SLC25A21: variants seen among roughly 807,000 people sequenced by gnomAD.
SLC25A21 encodes the protein mitochondrial 2-oxodicarboxylate carrier.
SLC25A21 carries 47 observed loss-of-function variants against 43.8 expected under a neutral mutation model. That is an observed-to-expected ratio of 1.07 (90% CI 0.85 to 1.37). The LOEUF (loss-of-function observed/expected upper bound fraction) is 1.37. Among genes scored for constraint, SLC25A21 ranks in the 40% most tolerant of loss-of-function variants. The probability of loss-of-function intolerance (pLI) is 0.00; values close to 1 mark genes in which losing one functional copy is unlikely to be tolerated. For missense variants in SLC25A21, 352 were observed against 350.2 expected, an observed-to-expected ratio of 1.00 and a Z score of -0.04; for synonymous variants, 131 against 121.3, an observed-to-expected ratio of 1.08 and a Z score of -0.52.
intron 1 of SLC25A21, among the ~76,000 whole-genome samples, chr14:36,993,612 T>C (rs919407052): frequency 2.0e-5 from 3 of 152,124 alleles, no homozygotes; most frequent in Non-Finnish European, 2.9e-5. Flanking sequence ...CCCATTTTGA[T>C]TGAGGTTGTA....
chr14:36,935,644 C>A (rs377119955), intron 1 of SLC25A21, among the ~76,000 whole-genome samples: 1 of 151,846 alleles, frequency 6.6e-6, no homozygotes, highest in East Asian at 1.9e-4. Flanking sequence ...CTTGAATATA[C>A]CAGGCTACAG....
At chr14:36,964,574 C>G (rs969341422) in intron 1 of SLC25A21, among the ~76,000 whole-genome samples, 1 of 152,196 alleles carries the variant, frequency 6.6e-6, no homozygotes, top group Non-Finnish European at 1.5e-5. Flanking sequence ...GAATAACACA[C>G]TAATGTGCGT....
chr14:36,975,391 TA>T (rs1391261564), intron 1 of SLC25A21, among the ~76,000 whole-genome samples: 1 of 152,154 alleles, frequency 6.6e-6, no homozygotes, highest in African/African-American at 2.4e-5. Context: ...ATAATAATTG[TA>T]AAAAGTCATT....
chr14:36,842,929 G>T (rs1422637931), intron 2 of SLC25A21, among the ~76,000 whole-genome samples: 1 of 152,078 alleles, frequency 6.6e-6, no homozygotes, highest in African/African-American at 2.4e-5. Context: ...GGTGGGAAGG[G>T]GCAGGAGGGT....
At chr14:37,049,310 G>A (rs527716586) in intron 1 of SLC25A21, among the ~76,000 whole-genome samples, 5 of 152,258 alleles carry the variant, frequency 3.3e-5, no homozygotes, top group Admixed American at 1.3e-4. Flanking sequence ...GACTGGGCAC[G>A]GTGGCTCACA....
chr14:37,018,926 CT>C (rs1254084442), intron 1 of SLC25A21, among the ~76,000 whole-genome samples: 2 of 152,052 alleles, frequency 1.3e-5, no homozygotes, highest in African/African-American at 4.8e-5. Flanking sequence ...AAAGATGGAA[CT>C]ATTAGAAAAT....
intron 2 of SLC25A21, among the ~76,000 whole-genome samples, chr14:36,829,376 G>T (rs1888952098): frequency 6.6e-6 from 1 of 152,136 alleles, no homozygotes; most frequent in Non-Finnish European, 1.5e-5. Flanking sequence ...TTCCCGCAAG[G>T]CTTCCTCAGG....
In SLC25A21 at chr14:36,810,192, G is replaced by T. The variant is rs565728344; in HGVS notation, c.203+3726C>A. ...GGCATCACAGGAAGAATGTCAATTT[G>T]CTCTAGAAGCAATTATACATACAGT... On this transcript the variant is annotated intron_variant, in intron 3 of 9. Transcript: ENST00000331299. 2.0e-5 allele frequency among the ~76,000 whole-genome samples: 3 copies of T among 152,208 alleles called. No homozygotes were observed. The East Asian group carries it at 5.8e-4, about 29-fold the overall frequency.
chr14:36,928,180 A>G (rs960887293), intron 1 of SLC25A21, among the ~76,000 whole-genome samples: 2 of 152,164 alleles, frequency 1.3e-5, no homozygotes, highest in Admixed American at 6.6e-5. Context: ...TCAAGTTGAT[A>G]TCATTATCTT....
At chr14:36,717,472 A>G (rs1015274610) in intron 6 of SLC25A21, among the ~76,000 whole-genome samples, 1 of 152,346 alleles carries the variant, frequency 6.6e-6, no homozygotes, top group African/African-American at 2.4e-5. Flanking sequence ...CCAGATACCG[A>G]ACCACAAAGC....
At chr14:36,708,891 T>C (rs1007165222) in intron 7 of SLC25A21, among the ~76,000 whole-genome samples, 2 of 151,970 alleles carry the variant, frequency 1.3e-5, no homozygotes, top group Middle Eastern at 3.4e-3. Context: ...CTCAGGTTTT[T>C]TTTTTAAACA....
chr14:36,961,192 C>G (rs148153804), intron 1 of SLC25A21, among the ~76,000 whole-genome samples: 40 of 151,274 alleles, frequency 2.6e-4, no homozygotes, highest in Admixed American at 5.3e-4. Context: ...CTTTAGCAAG[C>G]CTTCCGCACG....
chr14:36,986,204 G>A (rs74558769), intron 1 of SLC25A21, among the ~76,000 whole-genome samples: 2,528 of 152,134 alleles, frequency 0.017, 78 homozygotes, highest in African/African-American at 0.058. Flanking sequence ...ATATTTTTAC[G>A]TTTAATTATT....
chr14:37,048,477 TA>T (rs201028988), intron 1 of SLC25A21, among the ~76,000 whole-genome samples: 9,444 of 144,998 alleles, frequency 0.065, 831 homozygotes, highest in African/African-American at 0.21. Flanking sequence ...GTTTTGCAGT[TA>T]AAAAAAAAAA....
chr14:37,134,672 G>GAAAGA (rs781248596), intron 1 of SLC25A21, among the ~76,000 whole-genome samples: 41 of 149,448 alleles, frequency 2.7e-4, no homozygotes, highest in African/African-American at 9.8e-4. Context: ...AAGAAAGAAA[G>GAAAGA]AAAGAAAAGA....
intron 1 of SLC25A21, among the ~76,000 whole-genome samples, chr14:37,128,777 T>C (rs748977512): frequency 6.6e-6 from 1 of 151,940 alleles, no homozygotes; most frequent in Non-Finnish European, 1.5e-5. Flanking sequence ...TCTGTGGAGA[T>C]GGGGTTTCGC....
intron 7 of SLC25A21, among the ~76,000 whole-genome samples, chr14:36,697,940 A>T (rs192641321): frequency 8.5e-4 from 130 of 152,212 alleles, no homozygotes; most frequent in African/African-American, 3.0e-3. Flanking sequence ...TTATATGTGA[A>T]TTTGATCCTA....
At position 36,780,083 on chromosome 14, in the gene SLC25A21, T is replaced by A. The variant is rs1316470421; in HGVS notation, c.203+33835A>T. On this transcript the variant is annotated intron_variant, in intron 3 of 9. Coordinates refer to ENST00000331299, the MANE Select transcript of SLC25A21 (RefSeq NM_030631.4). ...ATTGCAGTCTTAGTAGGCTGTAAAT[T>A]TTTAGGAATTTATCCACTTTTTTTG... is the stretch of plus-strand genomic sequence containing the variant. Among the ~76,000 whole-genome samples the A allele has an allele frequency of 2.0e-5, 3 of 152,088 alleles. No individual in the cohort carries two copies. The South Asian group carries it at 6.2e-4, about 32-fold the overall frequency.
chr14:36,862,620 G>GA (rs1890102095), intron 2 of SLC25A21, among the ~76,000 whole-genome samples: 1 of 143,134 alleles, frequency 7.0e-6, no homozygotes, highest in African/African-American at 2.5e-5. Context: ...GGGCTGTGGG[G>GA]CTAGGGGAGG....
Sources: gnomAD v4.1 joint callset for allele counts (sites outside exome capture counted in the v4.1 genomes callset) on GRCh38, gnomAD v4.1.1 for gene constraint, MANE v1.5 for transcripts, NCBI Gene and HGNC (gene_info 2026-07-23, HGNC 2026-07-21) for gene names.